The following TRMT11 variants were observed in gnomAD, a reference collection of about 807,000 sequenced individuals.
TRMT11 encodes tRNA methyltransferase 11.
In TRMT11, 53 loss-of-function variants were observed where a neutral mutation model predicts 62.8. The observed-to-expected ratio is 0.84, with a 90% CI of 0.68 to 1.06. The LOEUF is 1.06. Ranked by LOEUF, TRMT11 falls within the 50% of genes least tolerant of loss-of-function variation. TRMT11 has a pLI of 0.00. For synonymous variants in TRMT11, 188 were observed against 190.3 expected (o/e 0.99, Z 0.10); for missense variants, 556 against 553.4 (o/e 1.00, Z -0.05).
At chr6:126,081,149 G>C (rs1234580848) in intron 17 of TRMT11, among the ~76,000 whole-genome samples, 4 of 152,172 alleles carry the variant, frequency 2.6e-5, no homozygotes, top group Admixed American at 1.3e-4. Flanking sequence ...ATTTAATCGG[G>C]AGGTAATTCT....
intron 12 of TRMT11, among the ~76,000 whole-genome samples, chr6:126,021,824 TAAG>T (rs1448996066): frequency 6.6e-6 from 1 of 152,170 alleles, no homozygotes; most frequent in Non-Finnish European, 1.5e-5. Flanking sequence ...CATTTAAGCT[TAAG>T]AAAGAATGAA....
At chr6:126,259,958 C>T in the TRMT11 span, among the ~76,000 whole-genome samples, 5 of 152,004 alleles carry the variant, frequency 3.3e-5, no homozygotes. Context: ...TTTGTCTTTA[C>T]TGCTAAGGTG....
chr6:126,085,831 T>C (rs948664827), intron 17 of TRMT11, among the ~76,000 whole-genome samples: 5 of 152,232 alleles, frequency 3.3e-5, no homozygotes, highest in African/African-American at 7.2e-5. Context: ...ATATGTACTT[T>C]GGGCGATGAT....
At chr6:126,106,433 C>T (rs1777465311) in intron 17 of TRMT11, among the ~76,000 whole-genome samples, 1 of 152,166 alleles carries the variant, frequency 6.6e-6, no homozygotes, top group Admixed American at 6.5e-5. Flanking sequence ...GAGTGAGTCA[C>T]CACACCCAGC....
the TRMT11 span, among the ~76,000 whole-genome samples, chr6:126,234,482 G>T: frequency 6.6e-6 from 1 of 152,062 alleles, no homozygotes; most frequent in African/African-American, 2.4e-5. Flanking sequence ...AAGTTAGTTA[G>T]AATTTATTTT....
intron 21 of TRMT11, among the ~76,000 whole-genome samples, chr6:126,154,757 A>C (rs190302580): frequency 7.2e-5 from 11 of 152,246 alleles, no homozygotes; most frequent in Admixed American, 7.2e-4. Context: ...CATGACTTTG[A>C]TTTTTTTGTT....
chr6:126,169,191 G>A (rs964563017), intron 21 of TRMT11, among the ~76,000 whole-genome samples: 1 of 152,174 alleles, frequency 6.6e-6, no homozygotes, highest in African/African-American at 2.4e-5. Context: ...GTCTTATTAA[G>A]GCAGGCCAGC....
At chr6:126,047,684 C>T (rs1353132875) in intron 16 of TRMT11, among the ~76,000 whole-genome samples, 1 of 152,198 alleles carries the variant, frequency 6.6e-6, no homozygotes, top group African/African-American at 2.4e-5. Context: ...TTAATCGTAA[C>T]ACAGTCCTAG....
At chr6:126,142,832 G>C (rs1250911991) in intron 21 of TRMT11, among the ~76,000 whole-genome samples, 1 of 152,006 alleles carries the variant, frequency 6.6e-6, no homozygotes, top group African/African-American at 2.4e-5. Context: ...ATCTGACCTT[G>C]GTAGTTCCCA....
intron 21 of TRMT11, among the ~76,000 whole-genome samples, chr6:126,135,816 G>A (rs1777843420): frequency 6.6e-6 from 1 of 151,786 alleles, no homozygotes; most frequent in South Asian, 2.1e-4. Context: ...CCTCATAGAT[G>A]CAAAGACAGT....
chr6:126,043,520 G>A (rs1424643591), downstream of TRMT11, among the ~76,000 whole-genome samples: 15 of 149,816 alleles, frequency 1.0e-4, no homozygotes, highest in Non-Finnish European at 2.3e-4. Flanking sequence ...ACATACGTGT[G>A]CATGTGTCTT....
At chr6:126,199,711 G>C (rs1487009772) in intron 2 of TRMT11, 1 of 152,250 alleles carries the variant, frequency 6.6e-6, no homozygotes, top group African/African-American at 2.4e-5. Context: ...TAGTGGCAGA[G>C]GGACATGCTA....
chr6:126,018,910 C>T (rs535560061), intron 11 of TRMT11, among the ~76,000 whole-genome samples: 71 of 151,738 alleles, frequency 4.7e-4, no homozygotes, highest in African/African-American at 1.5e-3. Context: ...GAGACAATTT[C>T]GCTCTTGTTG....
the TRMT11 span, among the ~76,000 whole-genome samples, chr6:126,260,424 A>G: frequency 6.6e-6 from 1 of 152,092 alleles, no homozygotes; most frequent in Non-Finnish European, 1.5e-5. Flanking sequence ...GACCACTTTT[A>G]CTTCAAACCT....
At chr6:126,204,549 T>C (rs1394123306), downstream of TRMT11, among the ~76,000 whole-genome samples, 2 of 152,228 alleles carry the variant, frequency 1.3e-5, no homozygotes, top group African/African-American at 4.8e-5. Context: ...AGCAGCAAGG[T>C]TGAAACTTAT....
chr6:126,108,024 GA>G (rs1295459529), intron 17 of TRMT11, among the ~76,000 whole-genome samples: 1 of 152,192 alleles, frequency 6.6e-6, no homozygotes, highest in African/African-American at 2.4e-5. Flanking sequence ...ATGGCAGACA[GA>G]GCATCTCGTG....
chr6:126,155,148 C>A (rs1778102339), intron 21 of TRMT11, among the ~76,000 whole-genome samples: 1 of 152,192 alleles, frequency 6.6e-6, no homozygotes, highest in Admixed American at 6.5e-5. Flanking sequence ...CCAGCATCTT[C>A]TTATGGGGCC....
At chr6:126,129,319 T>A (rs1777754431) in intron 21 of TRMT11, among the ~76,000 whole-genome samples, 1 of 152,116 alleles carries the variant, frequency 6.6e-6, no homozygotes, top group Non-Finnish European at 1.5e-5. Context: ...TGATTAGGAT[T>A]AAATGAGTTA....
At chr6:126,218,914 G>T in the TRMT11 span, among the ~76,000 whole-genome samples, 1 of 152,076 alleles carries the variant, frequency 6.6e-6, no homozygotes, top group Non-Finnish European at 1.5e-5. Context: ...CTCTGGCTAG[G>T]GCTGGTCTAA....
Sources: gnomAD v4.1 joint callset for allele counts (sites outside exome capture counted in the v4.1 genomes callset) on GRCh38, gnomAD v4.1.1 for gene constraint, MANE v1.5 for transcripts, NCBI Gene and HGNC (gene_info 2026-07-23, HGNC 2026-07-21) for gene names.